The following WASF1 variants were observed in gnomAD, a reference collection of about 807,000 sequenced individuals.
WASF1 encodes the protein WASP family member 1, also known as actin-binding protein WASF1.
WASF1 carries 7 observed loss-of-function variants against 50.5 expected under a neutral mutation model. That is an observed-to-expected ratio of 0.14 (90% CI 0.08 to 0.26). The LOEUF (loss-of-function observed/expected upper bound fraction) is 0.26. Among genes scored for constraint, WASF1 ranks in the 10% least tolerant of loss-of-function variants. WASF1 has a pLI of 1.00. For missense variants in WASF1, 470 were observed against 694.7 expected, an observed-to-expected ratio of 0.68 and a Z score of 3.64; for synonymous variants, 205 against 244.0, an observed-to-expected ratio of 0.84 and a Z score of 1.49.
At chr6:110,109,555 T>C (rs1264477380) in intron 5 of WASF1, among the ~76,000 whole-genome samples, 1 of 146,892 alleles carries the variant, frequency 6.8e-6, no homozygotes, top group Non-Finnish European at 1.5e-5. Flanking sequence ...AACAATTCTT[T>C]TTTTTTTTTT....
At chr6:110,131,366 C>T (rs1367123744) in intron 3 of WASF1, among the ~76,000 whole-genome samples, 1 of 152,106 alleles carries the variant, frequency 6.6e-6, no homozygotes, top group Non-Finnish European at 1.5e-5. Flanking sequence ...TATTTCAGCA[C>T]CACTCATTGA....
chr6:110,163,756 C>G (rs75359416), intron 2 of WASF1, among the ~76,000 whole-genome samples: 10,721 of 151,542 alleles, frequency 0.071, 506 homozygotes, highest in African/African-American at 0.14. Flanking sequence ...TATAGAGAGT[C>G]AAAAGACCCA....
At position 110,105,446 on chromosome 6, in the gene WASF1, A is replaced by G; in HGVS notation, c.674T>C (p.Ile225Thr). 6.2e-7 allele frequency: 1 copy of G among 1,612,890 alleles called. No homozygotes were observed. Among genetic ancestry groups the G allele is most frequent in the Non-Finnish European group, 8.5e-7 (1 of 1,179,612 alleles). ...AGAGGCTGGGCCATTAGCAACTTCAATATGCTTATGTAAGAGATTAGCATC... is the reference window on the plus strand; with the variant it reads ...AGAGGCTGGGCCATTAGCAACTTCAGTATGCTTATGTAAGAGATTAGCATC... ...EDDANLLHKH[I>T]EVANGPASHF... Residue 225 changes from isoleucine to threonine, a missense_variant, in exon 8 of 11, where the codon ATT (isoleucine) becomes ACT (threonine). By Grantham distance (89) the Ile-to-Thr change is moderately conservative. Coordinates refer to ENST00000392589, the MANE Select transcript of WASF1 (RefSeq NM_003931.3).
At chr6:110,121,672 T>TC (rs1774132363) in intron 4 of WASF1, among the ~76,000 whole-genome samples, 1 of 152,366 alleles carries the variant, frequency 6.6e-6, no homozygotes, top group African/African-American at 2.4e-5. Flanking sequence ...GATCCAGCGA[T>TC]CCCATTACTG....
At chr6:110,133,680 TTC>T (rs1253658876) in intron 3 of WASF1, among the ~76,000 whole-genome samples, 80 of 152,296 alleles carry the variant, frequency 5.3e-4, no homozygotes, top group Non-Finnish European at 1.0e-3. Flanking sequence ...CTCGTATATC[TTC>T]TTTGGAAAAT....
At chr6:110,105,321 G>C in intron 8 of WASF1, 86 bp downstream of exon 8, 1 of 1,342,540 alleles carries the variant, frequency 7.4e-7, no homozygotes. Context: ...CTGTTCAACA[G>C]TTTAGGACTC....
chr6:110,104,878 T>C (rs1038854592), intron 8 of WASF1, among the ~76,000 whole-genome samples: 1 of 152,208 alleles, frequency 6.6e-6, no homozygotes. Flanking sequence ...GTATGTTATT[T>C]AGTTAGGGCC....
intron 3 of WASF1, among the ~76,000 whole-genome samples, chr6:110,129,729 T>C (rs1774577676): frequency 6.6e-6 from 1 of 152,232 alleles, no homozygotes; most frequent in Admixed American, 6.5e-5. Context: ...TTGATAAGTT[T>C]TTTTTACAAA....
At chr6:110,149,278 G>A (rs1346392607) in intron 3 of WASF1, among the ~76,000 whole-genome samples, 1 of 151,920 alleles carries the variant, frequency 6.6e-6, no homozygotes, top group Non-Finnish European at 1.5e-5. Context: ...CAGCCTGAAG[G>A]ATAAATCTTA....
chr6:110,161,473 G>C (rs1260533452), intron 2 of WASF1, among the ~76,000 whole-genome samples: 4 of 151,490 alleles, frequency 2.6e-5, no homozygotes, highest in Non-Finnish European at 4.4e-5. Flanking sequence ...GAGCCTCTTA[G>C]ATAGCAGTGG....
chr6:110,147,460 A>G (rs1194509863), intron 3 of WASF1, among the ~76,000 whole-genome samples: 1 of 152,216 alleles, frequency 6.6e-6, no homozygotes, highest in East Asian at 1.9e-4. Context: ...GCAAAAAGGA[A>G]ATGAAGAAAT....
chr6:110,108,423 C>T lies in WASF1; in HGVS notation c.422+105G>A, dbSNP rs1030459959. ...AAAGGTGGTGGACAGAGAGGGCTCT[C>T]TGTGTTGGCTAGAACCCCAATGAAA... On this transcript the variant is annotated intron_variant, in intron 6 of 10. Coordinates refer to ENST00000392589, the MANE Select transcript of WASF1 (RefSeq NM_003931.3). 2.6e-6 allele frequency: 3 copies of T among 1,164,352 alleles called. No homozygotes were observed. In the South Asian group the frequency reaches 6.0e-5, roughly 23 times the overall value. 72.1% of individuals were successfully genotyped at this position (1,164,352 alleles called of 1,614,324 possible).
chr6:110,105,484 C>G lies in WASF1; in HGVS notation c.636G>C (p.Glu212Asp). 1 of 1,614,046 alleles carries G rather than the reference C, an allele frequency of 6.2e-7. No individual in the cohort carries two copies. Among genetic ancestry groups the G allele is most frequent in the Non-Finnish European group, 8.5e-7 (1 of 1,179,976 alleles). Residue 212 changes from glutamate to aspartate, a missense_variant, in exon 8 of 11, where the codon GAG (glutamate) becomes GAC (aspartate). Around this residue, in one of 3 missense-constraint regions of WASF1, gnomAD observed 140 missense variants for 260.5 expected, o/e 0.54. Transcript: ENST00000392589. ...REWQKLAQGP[E>D]LAEDDANLLH... ...AGAGATTAGCATCATCTTCAGCCAGCTCTGGACCTTGGGCCAGCTTCTGCC... is the reference window on the plus strand; with the variant it reads ...AGAGATTAGCATCATCTTCAGCCAGGTCTGGACCTTGGGCCAGCTTCTGCC...
At chr6:110,133,318 C>CT (rs141970535) in intron 3 of WASF1, among the ~76,000 whole-genome samples, 2,930 of 151,536 alleles carry the variant, frequency 0.019, 95 homozygotes, top group African/African-American at 0.068. Context: ...GTGCAAGTAT[C>CT]TTTTTTGTAA....
intron 3 of WASF1, among the ~76,000 whole-genome samples, chr6:110,140,321 T>C (rs1775170976): frequency 6.6e-6 from 1 of 152,186 alleles, no homozygotes; most frequent in African/African-American, 2.4e-5. Flanking sequence ...CCCTATAACT[T>C]GCCCCATGCA....
intron 10 of WASF1, among the ~76,000 whole-genome samples, chr6:110,101,138 T>A (rs1019373051): frequency 6.6e-6 from 1 of 152,200 alleles, no homozygotes; most frequent in Non-Finnish European, 1.5e-5. Context: ...AATGAATGAA[T>A]ATGAGAAGTC....
At chr6:110,124,235 C>CTCTCTCTCTCTCTCTCTCTCCTCCCTCT (rs1554201262) in intron 4 of WASF1, among the ~76,000 whole-genome samples, 1 of 11,028 alleles carries the variant, frequency 9.1e-5, no homozygotes. Context: ...TCCTCTCTCT[C>CTCTCTCTCTCTCTCTCTCTCCTCCCTCT]CTCTCTCTCT....
chr6:110,148,729 A>G (rs1034201032), intron 3 of WASF1, among the ~76,000 whole-genome samples: 1 of 152,190 alleles, frequency 6.6e-6, no homozygotes, highest in Admixed American at 6.5e-5. Context: ...TAATTGCTCT[A>G]TGGAGACTTG....
chr6:110,102,280 CACACA>C, intron 9 of WASF1, 64 bp from the exon 10 acceptor site: 1 of 1,333,540 alleles, frequency 7.5e-7, no homozygotes. Flanking sequence ...AAAATCTAAC[CACACA>C]AACTATAAAT....
Sources: gnomAD v4.1 joint callset for allele counts (sites outside exome capture counted in the v4.1 genomes callset) on GRCh38, gnomAD v4.1.1 for gene constraint, gnomAD v4.1.1 regional missense constraint, MANE v1.5 for transcripts, NCBI Gene and HGNC (gene_info 2026-07-23, HGNC 2026-07-21) for gene names.